The following CD8B2 variants were observed in gnomAD, a reference collection of about 807,000 sequenced individuals.
CD8B2 encodes CD8B family member 2.
CD8B2 carries 11 observed loss-of-function variants against 23.7 expected under a neutral mutation model. That is an observed-to-expected ratio of 0.46 (90% CI 0.29 to 0.77). The LOEUF (loss-of-function observed/expected upper bound fraction) is 0.77. Among genes scored for constraint, CD8B2 ranks in the 30% least tolerant of loss-of-function variants. CD8B2 has a pLI of 0.09. For missense variants in CD8B2, 197 were observed against 270.5 expected, an observed-to-expected ratio of 0.73 and a Z score of 1.91; for synonymous variants, 90 against 109.3, an observed-to-expected ratio of 0.82 and a Z score of 1.10.
chr2:106,534,990 T>C (rs2104575304), intron 5 of CD8B2, among the ~76,000 whole-genome samples: 1 of 152,056 alleles, frequency 6.6e-6, no homozygotes, highest in East Asian at 1.9e-4. Flanking sequence ...CCCGGCTAAT[T>C]TTTGTATTTT....
intron 5 of CD8B2, among the ~76,000 whole-genome samples, chr2:106,516,350 G>C (rs977272206): frequency 1.3e-5 from 2 of 152,140 alleles, no homozygotes; most frequent in African/African-American, 4.8e-5. Flanking sequence ...GGCTCACGTG[G>C]CCTCTGGGTT....
At chr2:106,514,654 C>G (rs1267544975), downstream of CD8B2, among the ~76,000 whole-genome samples, 1 of 151,546 alleles carries the variant, frequency 6.6e-6, no homozygotes, top group East Asian at 1.9e-4. Context: ...GGACAGCTAT[C>G]CCACGTTTGA....
chr2:106,487,914 A>G (rs531679136), intron 1 of CD8B2, among the ~76,000 whole-genome samples: 13 of 151,976 alleles, frequency 8.6e-5, no homozygotes, highest in Non-Finnish European at 1.5e-5. Context: ...TCAGACAAAC[A>G]TGGGGCGTTC....
At chr2:106,496,486 C>G (rs550511146) in intron 3 of CD8B2, among the ~76,000 whole-genome samples, 1 of 152,290 alleles carries the variant, frequency 6.6e-6, no homozygotes, top group South Asian at 2.1e-4. Flanking sequence ...TGGAGGAGAT[C>G]TCCACCCACA....
chr2:106,514,286 CTTT>C (rs536439504), downstream of CD8B2, among the ~76,000 whole-genome samples: 162 of 111,990 alleles, frequency 1.4e-3, 1 homozygote, highest in East Asian at 6.1e-3. Context: ...GAACGCTTGT[CTTT>C]TTTTTTTTTT....
intron 5 of CD8B2, among the ~76,000 whole-genome samples, chr2:106,543,730 T>A (rs1368492091): frequency 5.3e-5 from 8 of 152,186 alleles, no homozygotes; most frequent in Admixed American, 5.2e-4. Context: ...ATCCATGATG[T>A]AAATATCAGG....
rs1247496975 is a variant in CD8B2, at chr2:106,506,997, C to T, written c.*57C>T. The T allele has an allele frequency of 7.8e-6, 12 of 1,547,078 alleles. No individual in the cohort carries two copies. Among genetic ancestry groups the T allele is most frequent in the Admixed American group, 3.9e-5 (2 of 50,644 alleles). On this transcript the variant is annotated 3_prime_UTR_variant, in exon 6 of 6. Coordinates refer to ENST00000643224, the MANE Select transcript of CD8B2 (RefSeq NM_001349727.2). The stretch of plus-strand genomic sequence containing the variant: ...AAAAGACATCGGTCAGTAACGAGCA[C>T]GATGTGGAAAAATGAGAGAAGGGAC...
intron 5 of CD8B2, among the ~76,000 whole-genome samples, chr2:106,504,923 C>G (rs1679476587): frequency 6.6e-6 from 1 of 152,212 alleles, no homozygotes; most frequent in Non-Finnish European, 1.5e-5. Context: ...TCCCTAGGAG[C>G]TGCCTTTGTC....
intron 5 of CD8B2, among the ~76,000 whole-genome samples, chr2:106,518,073 C>G (rs532799743): frequency 2.0e-5 from 3 of 152,192 alleles, no homozygotes; most frequent in Non-Finnish European, 4.4e-5. Flanking sequence ...TTCTGAATTC[C>G]TGGGCCATAG....
Position 106,510,631 on chromosome 2 carries a change from A to T in CD8B2, c.*3691A>T, listed in dbSNP as rs1173773447. 6.6e-6 allele frequency: 1 copy of T among 152,072 alleles called. No homozygotes were observed. Among genetic ancestry groups the T allele is most frequent in the African/African-American group, 2.4e-5 (1 of 41,406 alleles). 9.4% of individuals were successfully genotyped at this position (152,072 alleles called of 1,614,324 possible). A position where few individuals can be genotyped will look rare whatever the true frequency, so the allele number is the denominator to read the frequency against. ...CCTGGAGTCCCAGCTATTAGGGAGG[A>T]TGAGGTGGGAGGATCTCCTGAGCCC... is the stretch of plus-strand genomic sequence containing the variant. On this transcript the variant is annotated 3_prime_UTR_variant, in exon 6 of 6. Coordinates refer to ENST00000643224, the MANE Select transcript of CD8B2 (RefSeq NM_001349727.2).
rs1679098947 is a variant in CD8B2, at chr2:106,487,484, C to G, written c.43+15C>G. 1.6e-6 allele frequency: 2 copies of G among 1,240,394 alleles called. No individual in the cohort carries two copies. Among genetic ancestry groups the G allele is most frequent in the Non-Finnish European group, 2.0e-6 (2 of 991,802 alleles). 76.8% of individuals were successfully genotyped at this position (1,240,394 alleles called of 1,614,324 possible). A position where few individuals can be genotyped will look rare whatever the true frequency, so the allele number is the denominator to read the frequency against. On this transcript the variant is annotated intron_variant, in intron 1 of 5. Coordinates refer to ENST00000643224, the MANE Select transcript of CD8B2 (RefSeq NM_001349727.2). ...GCAGCTGACAGGTAAGGCGGCGGCG[C>G]GCGGGCTGCCCAAGGTCTGCGCTCC...
At chr2:106,493,872 G>T (rs1237067250) in intron 2 of CD8B2, among the ~76,000 whole-genome samples, 2 of 152,146 alleles carry the variant, frequency 1.3e-5, no homozygotes, top group East Asian at 3.9e-4. Flanking sequence ...GGATAAAATG[G>T]GGACAACAGT....
chr2:106,540,502 C>G (rs1407523714), intron 5 of CD8B2, among the ~76,000 whole-genome samples: 1 of 152,160 alleles, frequency 6.6e-6, no homozygotes, highest in Non-Finnish European at 1.5e-5. Context: ...GGCAAACCCC[C>G]TGCTTTCAGG....
chr2:106,505,667 C>T (rs1468894128), intron 5 of CD8B2, among the ~76,000 whole-genome samples: 6 of 152,320 alleles, frequency 3.9e-5, no homozygotes, highest in South Asian at 2.1e-4. Context: ...CTGTTGTACA[C>T]ATTATATTTA....
At chr2:106,534,443 T>C (rs1212479150) in intron 5 of CD8B2, among the ~76,000 whole-genome samples, 2 of 152,212 alleles carry the variant, frequency 1.3e-5, no homozygotes, top group Admixed American at 1.3e-4. Flanking sequence ...AAATTGCTTC[T>C]GACTGAAGGT....
chr2:106,526,699 G>A (rs528737217), intron 5 of CD8B2, among the ~76,000 whole-genome samples: 5 of 152,206 alleles, frequency 3.3e-5, no homozygotes, highest in Admixed American at 2.0e-4. Context: ...TGCCCAGGCT[G>A]GAGTGCAATG....
At chr2:106,496,289 C>A (rs1186369942) in intron 3 of CD8B2, 27 bp downstream of exon 3, 2 of 1,479,818 alleles carry the variant, frequency 1.4e-6, no homozygotes, top group Non-Finnish European at 1.8e-6. Flanking sequence ...TCTGCACCCT[C>A]AGAAACAAGG....
At chr2:106,515,830 T>C (rs1465887937), downstream of CD8B2, among the ~76,000 whole-genome samples, 2 of 20,348 alleles carry the variant, frequency 9.8e-5, no homozygotes, top group African/African-American at 2.4e-4. Context: ...TAGACTCCTC[T>C]TTTTTTTTTT....
intron 5 of CD8B2, among the ~76,000 whole-genome samples, chr2:106,539,034 C>T (rs923330620): frequency 1.6e-4 from 24 of 152,134 alleles, no homozygotes; most frequent in Non-Finnish European, 3.4e-4. Flanking sequence ...GCTGGCTGAA[C>T]TTCTGACTCT....
Sources: allele counts gnomAD v4.1 joint callset (sites outside exome capture counted in the v4.1 genomes callset), GRCh38; gene constraint gnomAD v4.1.1; transcripts MANE v1.5; gene names NCBI Gene and HGNC (gene_info 2026-07-23, HGNC 2026-07-21).